CLTCL1: variants seen among roughly 807,000 people sequenced by gnomAD.
CLTCL1 encodes the protein clathrin heavy chain 2.
Under a neutral mutation model 190.0 loss-of-function variants are expected in CLTCL1, and 159 were observed. The observed-to-expected ratio is 0.84, with a 90% CI of 0.74 to 0.95. The LOEUF (loss-of-function observed/expected upper bound fraction) is 0.95. CLTCL1 is among the 40% of genes least tolerant of loss of function. CLTCL1 has a pLI of 0.00. For synonymous variants in CLTCL1, 752 were observed against 769.6 expected (o/e 0.98, Z 0.38); for missense variants, 1,878 against 2,033.4 (o/e 0.92, Z 1.47).
chr22:19,257,226 T>C (rs1472174608), intron 2 of CLTCL1, among the ~76,000 whole-genome samples: 1 of 152,130 alleles, frequency 6.6e-6, no homozygotes, highest in African/African-American at 2.4e-5. Flanking sequence ...AAATGTATGG[T>C]AACAGCATAG....
intron 8 of CLTCL1, 26 bp downstream of exon 8, chr22:19,233,396 G>A (rs370572038): frequency 2.1e-5 from 34 of 1,613,076 alleles, no homozygotes; most frequent in South Asian, 1.2e-4. Flanking sequence ...TGTGCGGGGG[G>A]GCTACGAGCT....
intron 26 of CLTCL1, among the ~76,000 whole-genome samples, 183 bp downstream of exon 26, chr22:19,196,083 C>T (rs2084692994): frequency 1.3e-5 from 2 of 152,178 alleles, no homozygotes; most frequent in Admixed American, 1.3e-4. Flanking sequence ...TCTTAAGTGT[C>T]AGTTCCCTTC....
intron 19 of CLTCL1, among the ~76,000 whole-genome samples, chr22:19,214,389 C>G (rs932445173): frequency 1.3e-5 from 2 of 152,052 alleles, no homozygotes; most frequent in Admixed American, 6.6e-5. Flanking sequence ...TTCCTCTCAC[C>G]GGAGGGTGTG....
At position 19,258,576 on chromosome 22, in the gene CLTCL1, G is replaced by A. The variant is rs147923716; in HGVS notation, c.251-4349C>T. ...GGAGTCGGAGCTGGCACAGACCTGGGCAGAGGGACAGCGCCAGGCCCAGGA... is the reference window on the plus strand; with the variant it reads ...GGAGTCGGAGCTGGCACAGACCTGGACAGAGGGACAGCGCCAGGCCCAGGA... On this transcript the variant is annotated intron_variant, in intron 2 of 32. Transcript: ENST00000427926. 1.4e-4 allele frequency: 84 copies of A among 604,526 alleles called. 2 individuals carry two copies. In the East Asian group the frequency reaches 3.0e-3, roughly 22 times the overall value. 37.4% of individuals were successfully genotyped at this position (604,526 alleles called of 1,614,324 possible). A position where few individuals can be genotyped will look rare whatever the true frequency, so the allele number is the denominator to read the frequency against.
At chr22:19,258,234 T>C in intron 2 of CLTCL1, 1 of 342,394 alleles carries the variant, frequency 2.9e-6, no homozygotes, top group Non-Finnish European at 5.7e-6. Flanking sequence ...GAGGCAGATG[T>C]CCAAATATCA....
rs1205256835 is a variant in CLTCL1, at chr22:19,243,681, T to TTTTC, written c.520-749_520-746dup. On this transcript the variant is annotated intron_variant, in intron 3 of 32. Transcript: ENST00000427926. ...TCTTTTATAAAACTTAGAACTTGTA[T>TTTTC]TTTCTTTCTTTCTTTCTTTTTTTTT... Among the ~76,000 whole-genome samples the TTTTC allele has an allele frequency of 4.3e-4, 62 of 142,806 alleles. 1 individual carries two copies. The highest frequency in any genetic ancestry group is 1.2e-3 in the African/African-American group (46 of 38,524). 93.7% of individuals were successfully genotyped at this position (142,806 alleles called of 152,430 possible).
At chr22:19,280,926 T>C (rs1389698102) in intron 1 of CLTCL1, among the ~76,000 whole-genome samples, 6 of 149,280 alleles carry the variant, frequency 4.0e-5, no homozygotes. Flanking sequence ...AAAAAGTAGA[T>C]GGGGTTGGGG....
chr22:19,191,427 G>T lies in CLTCL1; in HGVS notation c.4200C>A (p.Asn1400Lys), dbSNP rs782069354. ...GCAGGGCTCTGTAACAGAGCTCGACGTTGGCAACCTGTGGTGAGCAAAGCT... is the reference window on the plus strand; with the variant it reads ...GCAGGGCTCTGTAACAGAGCTCGACTTTGGCAACCTGTGGTGAGCAAAGCT... ...QFKDIITKVA[N>K]VELCYRALQF... The change falls in exon 27 of 33, where the codon AAC (asparagine) becomes AAA (lysine). Residue 1400 changes from asparagine (N) to lysine (K), a missense_variant. Physicochemically the swap from Asn to Lys is moderately conservative, Grantham distance 94. Coordinates refer to ENST00000427926, the MANE Select transcript of CLTCL1 (RefSeq NM_007098.4). 6.2e-7 allele frequency: 1 copy of T among 1,613,386 alleles called. No individual in the cohort carries two copies. Among genetic ancestry groups the T allele is most frequent in the Non-Finnish European group, 8.5e-7 (1 of 1,179,870 alleles).
chr22:19,289,130 C>T (rs559157760), intron 1 of CLTCL1, among the ~76,000 whole-genome samples: 1 of 152,176 alleles, frequency 6.6e-6, no homozygotes, highest in African/African-American at 2.4e-5. Flanking sequence ...ACTACAGGTG[C>T]GTACCAACAC....
chr22:19,201,552 T>C (rs1409250400), intron 22 of CLTCL1, 59 bp from the exon 23 acceptor site: 11 of 1,554,522 alleles, frequency 7.1e-6, no homozygotes, highest in African/African-American at 2.7e-5. Flanking sequence ...TTCTCCAGAG[T>C]TGCTTTTAAG....
At position 19,196,375 on chromosome 22, in the gene CLTCL1, A is replaced by C. The variant is rs782614257; in HGVS notation, c.4082T>G (p.Leu1361Arg). Residue 1361 changes from leucine (L) to arginine (R), a missense_variant, in exon 26 of 33, where the codon CTG becomes CGG. Transcript: ENST00000427926. ...AAEQAHLWAE[L>R]VFLYDKYEEY... ...CTCGTACTTGTCATAGAGGAACACC[A>C]GCTCAGCCCACAGGTGTGCCTGCTC... is the stretch of plus-strand genomic sequence containing the variant. 1.4e-5 allele frequency: 22 copies of C among 1,613,946 alleles called. 1 individual carries two copies. The South Asian group carries it at 2.3e-4, about 17-fold the overall frequency.
chr22:19,266,974 C>G (rs1354982716), intron 2 of CLTCL1, among the ~76,000 whole-genome samples: 1 of 152,144 alleles, frequency 6.6e-6, no homozygotes, highest in Non-Finnish European at 1.5e-5. Context: ...CTGTTTAATA[C>G]TGTACTGGGT....
rs112636081 is a variant in CLTCL1 at position 19,222,080 on chromosome 22, C to T, written c.2432G>A (p.Arg811Gln). ...EIYVQKVNPS[R>Q]TPAVIGGLLD... Reference sequence around the variant, plus strand: ...CAGCCCTCCAATCACAGCTGGGGTCCGGCTAGGGTTGACCTAGGGTAGTCA... The same window carrying T: ...CAGCCCTCCAATCACAGCTGGGGTCTGGCTAGGGTTGACCTAGGGTAGTCA... The change falls in exon 16 of 33, where the codon CGG (arginine) becomes CAG (glutamine). Residue 811 changes from arginine to glutamine, a missense_variant. Coordinates refer to ENST00000427926, the MANE Select transcript of CLTCL1 (RefSeq NM_007098.4). 2.2e-3 allele frequency: 3,625 copies of T among 1,613,904 alleles called. 72 individuals carry two copies. In the East Asian group the frequency reaches 0.032, roughly 14 times the overall value.
intron 26 of CLTCL1, among the ~76,000 whole-genome samples, chr22:19,192,062 TC>T (rs2084525365): frequency 8.5e-6 from 1 of 117,156 alleles, no homozygotes. Context: ...GGCGATGTCA[TC>T]TTTTTTTTTT....
chr22:19,222,709 C>A lies in CLTCL1; in HGVS notation c.2393G>T (p.Arg798Met). 6.3e-7 allele frequency: 1 copy of A among 1,593,144 alleles called. No individual in the cohort carries two copies. Among genetic ancestry groups the A allele is most frequent in the Admixed American group, 1.8e-5 (1 of 56,542 alleles). ...VLYLYRNNLQ[R>M]YIEIYVQKVN... is the part of the protein sequence containing the mutation. ...CTTCTGCACGTAGATCTCAATGTACCTCTGCAGGTTGTTGCGGTATAAATA... is the reference window on the plus strand; with the variant it reads ...CTTCTGCACGTAGATCTCAATGTACATCTGCAGGTTGTTGCGGTATAAATA... Residue 798 changes from arginine to methionine, a missense_variant, in exon 15 of 33, where the codon AGG becomes ATG. Arg to Met is a moderately conservative substitution (Grantham distance 91). Transcript: ENST00000427926.
chr22:19,280,818 CAAA>C (rs35797654), intron 1 of CLTCL1, among the ~76,000 whole-genome samples: 5 of 59,448 alleles, frequency 8.4e-5, no homozygotes, highest in Admixed American at 1.9e-4. Context: ...GACTCCATCT[CAAA>C]AAAAAAAAAA....
chr22:19,288,569 A>C (rs1482493772), intron 1 of CLTCL1, among the ~76,000 whole-genome samples: 2 of 152,252 alleles, frequency 1.3e-5, no homozygotes, highest in African/African-American at 4.8e-5. Flanking sequence ...AAAAAGCTAC[A>C]AACATTGCCC....
chr22:19,250,308 A>G (rs1272013600), intron 3 of CLTCL1, among the ~76,000 whole-genome samples: 1 of 149,104 alleles, frequency 6.7e-6, no homozygotes. Context: ...TGGGCACATC[A>G]CTTTTCTGGG....
chr22:19,199,383 T>C (rs1352706527), intron 24 of CLTCL1, among the ~76,000 whole-genome samples: 1 of 152,186 alleles, frequency 6.6e-6, no homozygotes, highest in Non-Finnish European at 1.5e-5. Context: ...AACTAGGCTA[T>C]GGACTAGAGC....
Sources: gnomAD v4.1 joint callset for allele counts (sites outside exome capture counted in the v4.1 genomes callset) on GRCh38, gnomAD v4.1.1 for gene constraint, MANE v1.5 for transcripts, NCBI Gene and HGNC (gene_info 2026-07-23, HGNC 2026-07-21) for gene names.